Variants in SYT14 observed in about 807,000 individuals in gnomAD.
The protein encoded by SYT14 is synaptotagmin-14.
A neutral mutation model predicts 74.2 loss-of-function variants in SYT14; 32 were observed. The ratio of observed to expected loss-of-function variants is 0.43; its 90% CI spans 0.33 to 0.58. The LOEUF is 0.58. SYT14 is among the 20% of genes least tolerant of loss of function. The pLI is 0.05. For synonymous variants in SYT14, 298 were observed against 337.7 expected (o/e 0.88, Z 1.29); for missense variants, 791 against 981.8 (o/e 0.81, Z 2.60).
chr1:210,082,227 A>G (rs1558176931), intron 5 of SYT14, among the ~76,000 whole-genome samples: 1 of 152,200 alleles, frequency 6.6e-6, no homozygotes, highest in East Asian at 1.9e-4. Flanking sequence ...AAATGTTTTC[A>G]AGCCATAGAG....
At chr1:209,951,422 A>G (rs1291003098) in intron 1 of SYT14, among the ~76,000 whole-genome samples, 1 of 152,140 alleles carries the variant, frequency 6.6e-6, no homozygotes, top group Non-Finnish European at 1.5e-5. Context: ...CACTTAGCAT[A>G]ATGTCCTCCG....
At position 210,059,451 on chromosome 1, in the gene SYT14, T is replaced by TATATATAGAGAGAG. The variant is rs377050610; in HGVS notation, c.1313-34870_1313-34869insTATATAGAGAGAGA. On this transcript the variant is annotated intron_variant, in intron 5 of 9. Transcript: ENST00000637265. ...GAATATATATATATATATATATATA[T>TATATATAGAGAGAG]AGAGAGAGAGAGAGAGAGAGAGAGA... Among the ~76,000 whole-genome samples the TATATATAGAGAGAG allele has an allele frequency of 2.7e-3, 192 of 69,878 alleles. 2 individuals carry two copies. The highest frequency in any genetic ancestry group is 4.3e-3 in the African/African-American group (55 of 12,738). 45.8% of individuals were successfully genotyped at this position (69,878 alleles called of 152,430 possible). A position where few individuals can be genotyped will look rare whatever the true frequency, so the allele number is the denominator to read the frequency against.
intron 5 of SYT14, among the ~76,000 whole-genome samples, chr1:210,038,117 A>G (rs1467475279): frequency 1.3e-5 from 2 of 151,718 alleles, no homozygotes; most frequent in African/African-American, 4.8e-5. Context: ...GGTGCATATA[A>G]ATTTCGGATT....
intron 7 of SYT14, among the ~76,000 whole-genome samples, chr1:210,153,457 A>G (rs1321611985): frequency 3.9e-5 from 6 of 152,202 alleles, no homozygotes; most frequent in African/African-American, 1.4e-4. Context: ...GTTTCTCCCA[A>G]TAATGTTCAT....
chr1:210,029,438 T>G (rs1384938077), intron 5 of SYT14, among the ~76,000 whole-genome samples: 1 of 152,164 alleles, frequency 6.6e-6, no homozygotes, highest in East Asian at 1.9e-4. Flanking sequence ...TGAGTTAATT[T>G]TTATATACGA....
chr1:209,943,438 G>A (rs535763124), intron 1 of SYT14, among the ~76,000 whole-genome samples: 1 of 140,590 alleles, frequency 7.1e-6, no homozygotes, highest in South Asian at 2.4e-4. Context: ...CCGGGAACCC[G>A]GGAGACTGAG....
chr1:210,102,943 G>T (rs1383409583), intron 7 of SYT14, among the ~76,000 whole-genome samples: 1 of 151,916 alleles, frequency 6.6e-6, no homozygotes, highest in Non-Finnish European at 1.5e-5. Context: ...CTCCCAAAAC[G>T]CTGGGATTAC....
chr1:210,145,692 CA>C (rs1211549065), intron 7 of SYT14, among the ~76,000 whole-genome samples: 1 of 152,132 alleles, frequency 6.6e-6, no homozygotes, highest in East Asian at 1.9e-4. Context: ...ACCCCCTCCC[CA>C]TATACACATG....
intron 2 of SYT14, among the ~76,000 whole-genome samples, chr1:209,983,280 ACTT>A (rs2079519346): frequency 6.6e-6 from 1 of 151,758 alleles, no homozygotes; most frequent in Non-Finnish European, 1.5e-5. Flanking sequence ...TTTGGCCATT[ACTT>A]CTTCTGATAT....
chr1:209,999,345 A>ATCTC (rs1157901985), intron 2 of SYT14, among the ~76,000 whole-genome samples: 24 of 152,138 alleles, frequency 1.6e-4, no homozygotes, highest in African/African-American at 4.8e-4. Flanking sequence ...AACAGTATGG[A>ATCTC]GATATCTCAA....
chr1:210,047,250 T>C (rs1338321686), intron 5 of SYT14, among the ~76,000 whole-genome samples: 1 of 152,022 alleles, frequency 6.6e-6, no homozygotes, highest in African/African-American at 2.4e-5. Flanking sequence ...TGTCAAAGAG[T>C]ATGGCACATA....
At chr1:210,127,165 G>C (rs1242470880) in intron 7 of SYT14, among the ~76,000 whole-genome samples, 2 of 152,194 alleles carry the variant, frequency 1.3e-5, no homozygotes, top group Non-Finnish European at 2.9e-5. Flanking sequence ...AACTAAAGCT[G>C]AGTATTATAA....
At chr1:210,047,413 T>TTA (rs1296832272) in intron 5 of SYT14, among the ~76,000 whole-genome samples, 1 of 152,186 alleles carries the variant, frequency 6.6e-6, no homozygotes, top group Non-Finnish European at 1.5e-5. Flanking sequence ...TTATTTTATT[T>TTA]TTGAGATGGA....
intron 1 of SYT14, among the ~76,000 whole-genome samples, chr1:209,943,261 T>G (rs2078765992): frequency 1.3e-5 from 2 of 152,124 alleles, no homozygotes. Context: ...CAGTGTACTT[T>G]GGTAGGCCGA....
chr1:210,125,171 G>A (rs1003101261), intron 7 of SYT14, among the ~76,000 whole-genome samples: 1 of 151,878 alleles, frequency 6.6e-6, no homozygotes, highest in Non-Finnish European at 1.5e-5. Flanking sequence ...CCCAAGTAGT[G>A]AGCATAGTAC....
intron 2 of SYT14, among the ~76,000 whole-genome samples, chr1:209,975,299 A>G (rs951495560): frequency 2.0e-5 from 3 of 152,178 alleles, no homozygotes; most frequent in African/African-American, 7.2e-5. Flanking sequence ...TTCAAAGGGA[A>G]TGCTTCCAGT....
chr1:209,985,491 T>C (rs1225037768), intron 2 of SYT14, among the ~76,000 whole-genome samples: 1 of 152,236 alleles, frequency 6.6e-6, no homozygotes, highest in East Asian at 1.9e-4. Context: ...ACATCTGTTC[T>C]TCCAGGATGG....
chr1:209,952,846 A>G (rs1203478957), intron 2 of SYT14, 90 bp downstream of exon 2: 42 of 1,300,286 alleles, frequency 3.2e-5, no homozygotes, highest in Non-Finnish European at 4.4e-5. Flanking sequence ...GATAATTTGT[A>G]TTTATGAAGT....
chr1:210,117,202 A>G (rs996624102), intron 7 of SYT14, among the ~76,000 whole-genome samples: 6 of 152,098 alleles, frequency 3.9e-5, no homozygotes, highest in Admixed American at 2.0e-4. Flanking sequence ...GAAATAGCCT[A>G]TCTTTTATGT....
Sources: allele counts gnomAD v4.1 joint callset (sites outside exome capture counted in the v4.1 genomes callset), GRCh38; gene constraint gnomAD v4.1.1; transcripts MANE v1.5; gene names NCBI Gene and HGNC (gene_info 2026-07-23, HGNC 2026-07-21).